The following CNTN1 variants were observed in gnomAD, a reference collection of about 807,000 sequenced individuals.
The protein encoded by CNTN1 is contactin 1.
CNTN1 carries 38 observed loss-of-function variants against 126.4 expected under a neutral mutation model. The ratio of observed to expected loss-of-function variants is 0.30; its 90% CI spans 0.23 to 0.39. CNTN1 has a LOEUF of 0.39. CNTN1 is among the 10% of genes least tolerant of loss of function. The pLI is 1.00. For synonymous variants in CNTN1, 413 were observed against 422.6 expected, an observed-to-expected ratio of 0.98 and a Z score of 0.28; for missense variants, 1,009 against 1,248.4, an observed-to-expected ratio of 0.81 and a Z score of 2.89.
Position 40,836,128 on chromosome 12 carries a change from A to ACATATACAGGTATATATATACGTG in CNTN1, c.-76-72213_-76-72212insTATACGTGCATATACAGGTATATA, listed in dbSNP as rs1942048089. Among the ~76,000 whole-genome samples, 8 of 145,962 alleles carry ACATATACAGGTATATATATACGTG rather than the reference A, an allele frequency of 5.5e-5. 2 individuals carry two copies. In the South Asian group the frequency reaches 1.1e-3, roughly 19 times the overall value. On this transcript the variant is annotated intron_variant, in intron 1 of 23. Transcript: ENST00000551295. ...TACATATACAGGTATATATATACGT[A>ACATATACAGGTATATATATACGTG]CATATACAGGTATATACACATATAT...
At chr12:40,877,151 T>C (rs1943695033) in intron 1 of CNTN1, among the ~76,000 whole-genome samples, 1 of 152,186 alleles carries the variant, frequency 6.6e-6, no homozygotes, top group African/African-American at 2.4e-5. Flanking sequence ...AATTTGCTAT[T>C]ATAGCTAGAC....
rs1387252036 is a variant in CNTN1 at position 40,913,783 on chromosome 12, C to A, written c.94+3678C>A. On this transcript the variant is annotated intron_variant, in intron 3 of 23. Transcript: ENST00000551295. ...AATGGCGAAAGTGAGAATGAAAGAA[C>A]AGTAGCTTTTGCCTCTCATTTACAT... 5.9e-5 allele frequency among the ~76,000 whole-genome samples: 9 copies of A among 152,236 alleles called. No homozygotes were observed. The East Asian group carries it at 1.7e-3, about 29-fold the overall frequency.
Position 40,711,408 on chromosome 12 carries a change from C to T in CNTN1, c.-77+18816C>T, listed in dbSNP as rs114951683. On this transcript the variant is annotated intron_variant, in intron 1 of 23. Coordinates refer to ENST00000551295, the MANE Select transcript of CNTN1 (RefSeq NM_001843.4). ...CAATTTTGGTCAAGTCTTCTTTCTC[C>T]TCTTGGGTTCTGGGTTATATCCCTT... Among the ~76,000 whole-genome samples, 368 of 152,164 alleles carry T rather than the reference C, an allele frequency of 2.4e-3. 3 individuals are homozygous for T. The highest frequency in any genetic ancestry group is 8.4e-3 in the African/African-American group (350 of 41,538).
chr12:40,881,185 G>T (rs1407317073), intron 1 of CNTN1, among the ~76,000 whole-genome samples: 4 of 151,938 alleles, frequency 2.6e-5, no homozygotes, highest in Non-Finnish European at 5.9e-5. Context: ...CAATGCAGAA[G>T]TTTTGTAAAC....
At chr12:40,946,462 T>C (rs532747938) in intron 14 of CNTN1, among the ~76,000 whole-genome samples, 2 of 152,204 alleles carry the variant, frequency 1.3e-5, no homozygotes, top group East Asian at 3.9e-4. Flanking sequence ...GCACATGCCA[T>C]AAGCAGACAC....
intron 1 of CNTN1, among the ~76,000 whole-genome samples, chr12:40,838,362 G>A (rs887501812): frequency 2.0e-5 from 3 of 152,134 alleles, no homozygotes; most frequent in African/African-American, 7.2e-5. Context: ...TTCTGCCATT[G>A]CTATTGCCAT....
At position 40,983,861 on chromosome 12, in the gene CNTN1, TATTATA is replaced by T. The variant is rs1566089036; in HGVS notation, c.1963+2795_1963+2800del. Among the ~76,000 whole-genome samples, 17 of 67,030 alleles carry T rather than the reference TATTATA, an allele frequency of 2.5e-4. No homozygotes were observed. In the South Asian group the frequency reaches 2.7e-3, roughly 11 times the overall value. 44.0% of individuals were successfully genotyped at this position (67,030 alleles called of 152,430 possible). ...TATTATAGCATATTTTATTATATGC[TATTATA>T]GCATATTTTATTTTATGCTATTATA... On this transcript the variant is annotated intron_variant, in intron 16 of 23. Coordinates refer to ENST00000551295, the MANE Select transcript of CNTN1 (RefSeq NM_001843.4).
At chr12:41,063,989 C>T (rs959207237) in intron 23 of CNTN1, among the ~76,000 whole-genome samples, 2 of 151,992 alleles carry the variant, frequency 1.3e-5, no homozygotes, top group African/African-American at 2.4e-5. Context: ...TCCTGGCTAG[C>T]ACAGTGAAAC....
At chr12:40,786,278 G>A (rs892935591) in intron 1 of CNTN1, among the ~76,000 whole-genome samples, 2 of 152,136 alleles carry the variant, frequency 1.3e-5, no homozygotes, top group African/African-American at 4.8e-5. Context: ...GCCAAAGAAT[G>A]CCTTTGTGTA....
chr12:40,784,371 T>C (rs1305551170), intron 1 of CNTN1, among the ~76,000 whole-genome samples: 1 of 152,134 alleles, frequency 6.6e-6, no homozygotes, highest in Admixed American at 6.6e-5. Context: ...TGGTAATTGT[T>C]TTATTTAAGG....
chr12:40,951,867 C>T (rs905114090), intron 14 of CNTN1, among the ~76,000 whole-genome samples: 22 of 151,558 alleles, frequency 1.5e-4, no homozygotes, highest in Non-Finnish European at 2.1e-4. Flanking sequence ...TCATAATATC[C>T]GGAATTTATT....
At chr12:41,069,532 C>T (rs1047388819) in intron 23 of CNTN1, among the ~76,000 whole-genome samples, 2 of 151,970 alleles carry the variant, frequency 1.3e-5, no homozygotes, top group Non-Finnish European at 2.9e-5. Flanking sequence ...GTGTGCTGCA[C>T]CCATTAACTC....
chr12:41,057,988 T>C (rs1004630252), intron 23 of CNTN1, among the ~76,000 whole-genome samples: 7 of 152,058 alleles, frequency 4.6e-5, no homozygotes, highest in Admixed American at 4.6e-4. Flanking sequence ...ATTAAGTGCA[T>C]GGTACCTCAT....
chr12:41,067,130 G>A (rs776364011), intron 23 of CNTN1, among the ~76,000 whole-genome samples: 6 of 151,960 alleles, frequency 3.9e-5, no homozygotes, highest in Non-Finnish European at 7.4e-5. Context: ...ACTTCAATTC[G>A]GTCTCTAATT....
chr12:40,812,731 G>A (rs1396287859), intron 1 of CNTN1, among the ~76,000 whole-genome samples: 2 of 151,978 alleles, frequency 1.3e-5, no homozygotes, highest in African/African-American at 4.8e-5. Context: ...GGTTCCATTT[G>A]CATGGAATAT....
chr12:40,855,660 A>G (rs556673562), intron 1 of CNTN1, among the ~76,000 whole-genome samples: 1 of 152,256 alleles, frequency 6.6e-6, no homozygotes. Flanking sequence ...ATAAATCTAT[A>G]TAACTACATT....
At chr12:41,062,485 A>G (rs1281324803) in intron 23 of CNTN1, among the ~76,000 whole-genome samples, 1 of 152,178 alleles carries the variant, frequency 6.6e-6, no homozygotes, top group East Asian at 1.9e-4. Flanking sequence ...TAACATTTAG[A>G]CAGGATGGAA....
rs34326474 is a variant in CNTN1, at chr12:41,016,821, G to A, written c.2324G>A (p.Ser775Asn). 1.7e-3 allele frequency: 2,758 copies of A among 1,614,034 alleles called. 48 individuals are homozygous for A. In the African/African-American group the frequency reaches 0.032, roughly 19 times the overall value. The change falls in exon 19 of 24, where the codon AGC becomes AAC. Residue 775 changes from serine to asparagine, a missense_variant. Transcript: ENST00000551295. Reference sequence around the variant, plus strand: ...TATGTCCATAAAGATGAAACCATGAGCCCTTCCACTGCATTTCAAGTTAAA... The same window carrying A: ...TATGTCCATAAAGATGAAACCATGAACCCTTCCACTGCATTTCAAGTTAAA... ...GRYVHKDETM[S>N]PSTAFQVKVK...
intron 1 of CNTN1, among the ~76,000 whole-genome samples, chr12:40,906,518 A>G (rs1006367078): frequency 6.6e-6 from 1 of 152,120 alleles, no homozygotes; most frequent in Non-Finnish European, 1.5e-5. Context: ...AAATCCATTA[A>G]AAAATAAATA....
Sources: allele counts gnomAD v4.1 joint callset (sites outside exome capture counted in the v4.1 genomes callset), GRCh38; gene constraint gnomAD v4.1.1; transcripts MANE v1.5; gene names NCBI Gene and HGNC (gene_info 2026-07-23, HGNC 2026-07-21).